Variants in TP73 observed in about 807,000 individuals in gnomAD.
TP73 encodes p53-like transcription factor.
In TP73, 25 loss-of-function variants were observed where a neutral mutation model predicts 62.5. That is an observed-to-expected ratio of 0.40 (90% CI 0.29 to 0.56). The LOEUF (loss-of-function observed/expected upper bound fraction) is 0.56. TP73 is among the 20% of genes least tolerant of loss of function. The pLI is 0.46. For missense variants in TP73, 754 were observed against 913.3 expected, an observed-to-expected ratio of 0.83 and a Z score of 2.25; for synonymous variants, 423 against 377.5, an observed-to-expected ratio of 1.12 and a Z score of -1.40.
chr1:3,681,708 G>T lies in TP73; in HGVS notation c.-33-625G>T, dbSNP rs372582529. Among the ~76,000 whole-genome samples, 294 of 152,222 alleles carry T rather than the reference G, an allele frequency of 1.9e-3. 1 individual carries two copies. The highest frequency in any genetic ancestry group is 6.8e-3 in the Middle Eastern group (2 of 294). Reference sequence around the variant, plus strand: ...TGGGCACAGCTAGGCTCTAGCCGGGGGCTTGGCTGCAGCCTCCAGCGCAGC... The same window carrying T: ...TGGGCACAGCTAGGCTCTAGCCGGGTGCTTGGCTGCAGCCTCCAGCGCAGC... On this transcript the variant is annotated intron_variant, in intron 1 of 13. Transcript: ENST00000378295.
chr1:3,727,064 A>G (rs748965640), intron 6 of TP73, 51 bp from the exon 7 acceptor site: 1 of 1,533,812 alleles, frequency 6.5e-7, no homozygotes, highest in East Asian at 2.3e-5. Context: ...ACCTTAGTGG[A>G]TTGGGGCTGC....
chr1:3,714,831 C>T (rs79087547), intron 4 of TP73, among the ~76,000 whole-genome samples: 123 of 152,342 alleles, frequency 8.1e-4, no homozygotes, highest in African/African-American at 2.8e-3. Flanking sequence ...AGGGCACTGC[C>T]CTGCCACCCC....
chr1:3,671,864 G>A (rs759617390), intron 1 of TP73, among the ~76,000 whole-genome samples: 7 of 152,132 alleles, frequency 4.6e-5, no homozygotes, highest in South Asian at 2.1e-4. Flanking sequence ...CCCCGTGATC[G>A]CTGCACGGGG....
At chr1:3,707,851 G>T in intron 4 of TP73, 60 bp downstream of exon 4, 1 of 1,565,154 alleles carries the variant, frequency 6.4e-7, no homozygotes, top group Non-Finnish European at 8.6e-7. Flanking sequence ...AGAGGAGGTG[G>T]CTGCGTTCCC....
rs764673775 is a variant in TP73, at chr1:3,730,120, G to A, written c.1317G>A (p.Ser439=). 17 of 1,569,290 alleles carry A rather than the reference G, an allele frequency of 1.1e-5. No homozygotes were observed. The highest frequency in any genetic ancestry group is 5.8e-5 in the South Asian group (5 of 85,828). Reference sequence around the variant, plus strand: ...TGGGCCAGCCTCCCCCGCACAGTTCGGCAGCTACACCCAACCTGGGGCCCG... The same window carrying A: ...TGGGCCAGCCTCCCCCGCACAGTTCAGCAGCTACACCCAACCTGGGGCCCG... ...QLVGQPPPHS[S]AATPNLGPVG... The change falls in exon 11 of 14, where the codon TCG becomes TCA. Residue 439 remains serine (S), a synonymous_variant. Coordinates refer to ENST00000378295, the MANE Select transcript of TP73 (RefSeq NM_005427.4).
intron 7 of TP73, 195 bp from the exon 8 acceptor site, chr1:3,727,433 G>T (rs534588115): frequency 5.2e-6 from 5 of 962,222 alleles, no homozygotes; most frequent in Non-Finnish European, 7.6e-6. Flanking sequence ...AGTCCCCGGC[G>T]AGGTCTCAGG....
At chr1:3,707,281 CAG>C (rs748351920) in intron 3 of TP73, among the ~76,000 whole-genome samples, 4 of 152,178 alleles carry the variant, frequency 2.6e-5, no homozygotes, top group African/African-American at 4.8e-5. Flanking sequence ...TCCAGGTGTG[CAG>C]AGAGTCTATT....
In TP73 at chr1:3,672,368, G is replaced by A. The variant is rs116433848; in HGVS notation, c.-33-9965G>A. Among the ~76,000 whole-genome samples, 122 of 152,282 alleles carry A rather than the reference G, an allele frequency of 8.0e-4. No individual in the cohort carries two copies. The highest frequency in any genetic ancestry group is 2.6e-3 in the African/African-American group (110 of 41,546). ...CGCACAAAGGCTAGTGACACCCGGT[G>A]TGATCCCTTGGGGTAGAAAGGGGGT... On this transcript the variant is annotated intron_variant, in intron 1 of 13. Coordinates refer to ENST00000378295, the MANE Select transcript of TP73 (RefSeq NM_005427.4). The surrounding 1 kb of genome is among the most constrained non-coding windows in gnomAD (Gnocchi z 5.3).
chr1:3,692,667 G>A (rs1645879784), intron 3 of TP73, among the ~76,000 whole-genome samples: 1 of 152,176 alleles, frequency 6.6e-6, no homozygotes, highest in Non-Finnish European at 1.5e-5. Context: ...GGATCCAGAA[G>A]CCTCGGGTGG....
chr1:3,704,394 A>C (rs1303169043), intron 3 of TP73, among the ~76,000 whole-genome samples: 4 of 151,182 alleles, frequency 2.6e-5, no homozygotes, highest in African/African-American at 9.7e-5. Context: ...CATTTCACAC[A>C]CCCCCACCCT....
At position 3,730,974 on chromosome 1, in the gene TP73, G is replaced by A. The variant is rs1421993962; in HGVS notation, c.1393G>A (p.Glu465Lys). 4 of 1,611,860 alleles carry A rather than the reference G, an allele frequency of 2.5e-6. No homozygotes were observed. Among genetic ancestry groups the A allele is most frequent in the African/African-American group, 2.7e-5 (2 of 74,878 alleles). ...TGGCCACGCAGTGCCAGCCAACGGC[G>A]AGATGAGCAGCAGCCACAGCGCCCA... ...NHGHAVPANG[E>K]MSSSHSAQSM... The change falls in exon 12 of 14, where the codon GAG becomes AAG. Residue 465 changes from glutamate to lysine, a missense_variant. By Grantham distance (56) the Glu-to-Lys change is moderately conservative. Around this residue, in one of 3 missense-constraint regions of TP73, gnomAD observed 458 missense variants for 528.7 expected, o/e 0.87. Coordinates refer to ENST00000378295, the MANE Select transcript of TP73 (RefSeq NM_005427.4).
intron 3 of TP73, among the ~76,000 whole-genome samples, chr1:3,704,905 A>G (rs531316347): frequency 3.9e-5 from 6 of 152,334 alleles, no homozygotes; most frequent in Non-Finnish European, 5.9e-5. Context: ...GTGACACCCA[A>G]CCAGACACCA....
Position 3,670,894 on chromosome 1 carries a change from G to A in TP73, c.-33-11439G>A, listed in dbSNP as rs533889179. Among the ~76,000 whole-genome samples, 115 of 152,310 alleles carry A rather than the reference G, an allele frequency of 7.6e-4. No homozygotes were observed. Among genetic ancestry groups the A allele is most frequent in the Admixed American group, 2.0e-3 (31 of 15,312 alleles). On this transcript the variant is annotated intron_variant, in intron 1 of 13. Coordinates refer to ENST00000378295, the MANE Select transcript of TP73 (RefSeq NM_005427.4). The surrounding 1 kb of genome is among the most constrained non-coding windows in gnomAD (Gnocchi z 5.9). ...GCCAGGCGGGTGCTGGGGCTGCAGC[G>A]CAGAGAGCAGTCAGGGCTTGGTGGT... is the stretch of plus-strand genomic sequence containing the variant.
chr1:3,719,288 G>T (rs567633287), intron 4 of TP73, among the ~76,000 whole-genome samples: 2 of 152,340 alleles, frequency 1.3e-5, no homozygotes, highest in Admixed American at 6.5e-5. Context: ...ATTCCAGGGG[G>T]CCTGTGTGCT....
chr1:3,725,053 G>T (rs1409199144), intron 6 of TP73, among the ~76,000 whole-genome samples: 1 of 152,098 alleles, frequency 6.6e-6, no homozygotes, highest in Non-Finnish European at 1.5e-5. Context: ...TCATGTCTCA[G>T]CTGTACTGCA....
intron 1 of TP73, among the ~76,000 whole-genome samples, chr1:3,679,370 T>TA (rs1461847366): frequency 6.6e-6 from 1 of 152,198 alleles, no homozygotes; most frequent in African/African-American, 2.4e-5. Context: ...GGACCTCCAG[T>TA]AGGGGTGCGG....
intron 1 of TP73, among the ~76,000 whole-genome samples, chr1:3,661,526 T>C (rs1325032388): frequency 4.6e-5 from 7 of 151,472 alleles, no homozygotes; most frequent in African/African-American, 1.5e-4. Flanking sequence ...CTGGGCAACA[T>C]GGCAAAACCC....
At position 3,666,743 on chromosome 1, in the gene TP73, G is replaced by A. The variant is rs974032149; in HGVS notation, c.-34+14102G>A. Among the ~76,000 whole-genome samples the A allele has an allele frequency of 1.3e-5, 2 of 152,196 alleles. No individual in the cohort carries two copies. The highest frequency in any genetic ancestry group is 2.9e-5 in the Non-Finnish European group (2 of 68,038). ...TCAGCTCGGAAGTGAGTAAGCATTG[G>A]CGGTGGGGATGGTGCTCTGAGCAGA... On this transcript the variant is annotated intron_variant, in intron 1 of 13. Coordinates refer to ENST00000378295, the MANE Select transcript of TP73 (RefSeq NM_005427.4). This position sits in a 1 kb window ranked among gnomAD's most constrained non-coding sequence, Gnocchi z 6.4.
At position 3,672,022 on chromosome 1, in the gene TP73, A is replaced by C. The variant is rs1167450700; in HGVS notation, c.-33-10311A>C. The stretch of plus-strand genomic sequence containing the variant: ...AGAGGGACGCATGACAAGTTCAGGG[A>C]GTTGACAGCTGTCTGGAAGGGCACG... On this transcript the variant is annotated intron_variant, in intron 1 of 13. Transcript: ENST00000378295. The surrounding 1 kb of genome is among the most constrained non-coding windows in gnomAD (Gnocchi z 5.3). 1.3e-5 allele frequency among the ~76,000 whole-genome samples: 2 copies of C among 152,110 alleles called. No individual in the cohort carries two copies.
Sources: allele counts gnomAD v4.1 joint callset (sites outside exome capture counted in the v4.1 genomes callset), GRCh38; gene constraint gnomAD v4.1.1; regional missense constraint gnomAD v4.1.1; non-coding constraint Gnocchi (gnomAD v3.1); transcripts MANE v1.5; gene names NCBI Gene and HGNC (gene_info 2026-07-23, HGNC 2026-07-21).